The following MYCL variants were observed in gnomAD, a reference collection of about 807,000 sequenced individuals.
MYCL encodes the protein MYCL proto-oncogene, bHLH transcription factor.
In MYCL, 11 loss-of-function variants were observed where a neutral mutation model predicts 31.0. The observed-to-expected ratio is 0.35, with a 90% confidence interval of 0.22 to 0.59. The LOEUF is 0.59. Among genes scored for constraint, MYCL ranks in the 20% least tolerant of loss-of-function variants. The probability of loss-of-function intolerance (pLI) is 0.79; values close to 1 mark genes in which losing one functional copy is unlikely to be tolerated. For synonymous variants in MYCL, 208 were observed against 202.4 expected (o/e 1.03, Z -0.23); for missense variants, 427 against 486.1 (o/e 0.88, Z 1.14).
rs142001192 is a variant in MYCL, at chr1:39,897,909, C to T, written c.558G>A (p.Pro186=). 16 of 1,614,072 alleles carry T rather than the reference C, an allele frequency of 9.9e-6. No individual in the cohort carries two copies. The East Asian group carries it at 1.8e-4, about 18-fold the overall frequency. ...EKRQSLGIRK[P]VTITVRADPL... Reference sequence around the variant, plus strand: ...GGTCTGCTCGCACCGTGATGGTGACCGGCTTCCGAATACCCAGAGACTGCC... The same window carrying T: ...GGTCTGCTCGCACCGTGATGGTGACTGGCTTCCGAATACCCAGAGACTGCC... Residue 186 remains proline, a synonymous_variant, in exon 2 of 2, where the codon CCG becomes CCA. Transcript: ENST00000372816. This position sits in a 1 kb window ranked among gnomAD's most constrained non-coding sequence, Gnocchi z 4.3.
At chr1:39,898,111 G>A in intron 1 of MYCL, 141 bp from the exon 2 acceptor site, 1 of 1,250,142 alleles carries the variant, frequency 8.0e-7, no homozygotes, top group Non-Finnish European at 1.1e-6. Context: ...ATCGAGGTGA[G>A]CAGAAAGCTG....
Position 39,897,228 on chromosome 1 carries a change from T to A in MYCL, c.*144A>T. 1.3e-6 allele frequency: 1 copy of A among 741,702 alleles called. No individual in the cohort carries two copies. The highest frequency in any genetic ancestry group is 2.3e-6 in the Non-Finnish European group (1 of 442,574). The allele number at this position is 741,702 out of a possible 1,614,324, so 45.9% of individuals were successfully genotyped here. On this transcript the variant is annotated 3_prime_UTR_variant, in exon 2 of 2. Transcript: ENST00000372816. The surrounding 1 kb of genome is among the most constrained non-coding windows in gnomAD (Gnocchi z 4.3). ...TCCAAGAATGCAAGCCTTTATTGTG[T>A]GTGCACCGGCTGCAATGCATTCTGG...
intron 1 of MYCL, among the ~76,000 whole-genome samples, chr1:39,898,266 G>A (rs1644502398): frequency 6.6e-6 from 1 of 152,194 alleles, no homozygotes; most frequent in South Asian, 2.1e-4. Context: ...AGTCTGCAAA[G>A]GCTCTCCCCT....
At position 39,895,551 on chromosome 1, in the gene MYCL, G is replaced by A. The variant is rs1335109617; in HGVS notation, c.*1821C>T. ...GCCTTTCAAAATAAATCAGACCCTT[G>A]CAACAGGAAATTGCCCCAAGAGTTT... On this transcript the variant is annotated 3_prime_UTR_variant, in exon 2 of 2. Transcript: ENST00000372816. The A allele has an allele frequency of 2.2e-5, 5 of 226,198 alleles. No homozygotes were observed. The highest frequency in any genetic ancestry group is 3.6e-4 in the South Asian group (2 of 5,480). 14.0% of individuals were successfully genotyped at this position (226,198 alleles called of 1,614,324 possible).
rs1406905974 is a variant in MYCL at position 39,901,072 on chromosome 1, G to A, written c.363C>T (p.Asn121=). The part of the protein sequence containing the change: ...DRLAPGAPRG[N]PPKASAAPDC... ...CCGGGGCGGCGGACGCCTTGGGCGG[G>A]TTCCCCCGGGGCGCGCCAGGAGCGA... Residue 121 remains asparagine, a synonymous_variant, in exon 1 of 2, where the codon AAC becomes AAT. Transcript: ENST00000372816. This position sits in a 1 kb window ranked among gnomAD's most constrained non-coding sequence, Gnocchi z 6.9. 2.8e-5 allele frequency: 44 copies of A among 1,563,554 alleles called. No individual in the cohort carries two copies. Among genetic ancestry groups the A allele is most frequent in the Non-Finnish European group, 3.7e-5 (43 of 1,154,468 alleles).
intron 1 of MYCL, among the ~76,000 whole-genome samples, chr1:39,899,351 C>T (rs1014443425): frequency 2.0e-5 from 3 of 152,186 alleles, no homozygotes; most frequent in Non-Finnish European, 1.5e-5. Flanking sequence ...CAGTGTTAAG[C>T]CTCGTGGCTC....
Position 39,895,994 on chromosome 1 carries a change from C to T in MYCL, c.*1378G>A, listed in dbSNP as rs2124713909. 1 of 220,196 alleles carries T rather than the reference C, an allele frequency of 4.5e-6. No individual in the cohort carries two copies. Among genetic ancestry groups the T allele is most frequent in the Non-Finnish European group, 9.1e-6 (1 of 109,808 alleles). The allele number at this position is 220,196 out of a possible 1,614,324, so 13.6% of individuals were successfully genotyped here. On this transcript the variant is annotated 3_prime_UTR_variant, in exon 2 of 2. Transcript: ENST00000372816. ...GCAGAGTTCTGGAGGGGCTGCTGGTCCTTCTTCCAGGACAGGCTTAGAGGT... is the reference window on the plus strand; with the variant it reads ...GCAGAGTTCTGGAGGGGCTGCTGGTTCTTCTTCCAGGACAGGCTTAGAGGT...
intron 1 of MYCL, 62 bp downstream of exon 1, chr1:39,900,877 G>C (rs1199298457): frequency 3.3e-6 from 5 of 1,510,240 alleles, no homozygotes; most frequent in Non-Finnish European, 2.6e-6. Flanking sequence ...ACCTCAGGCA[G>C]GGGCAGAGCT....
chr1:39,899,662 G>A, intron 1 of MYCL: 1 of 985,278 alleles, frequency 1.0e-6, no homozygotes, highest in Non-Finnish European at 1.2e-6. Context: ...TCTCTTTCCA[G>A]CCATTAAACA....
rs929262123 is a variant in MYCL at position 39,896,093 on chromosome 1, T to C, written c.*1279A>G. On this transcript the variant is annotated 3_prime_UTR_variant, in exon 2 of 2. Coordinates refer to ENST00000372816, the MANE Select transcript of MYCL (RefSeq NM_001033081.3). ...ACTAGAAGCTGCACGTGGATTCCACTTGGAGCTGCCGAGTCCAGCTGGGGT... is the reference window on the plus strand; with the variant it reads ...ACTAGAAGCTGCACGTGGATTCCACCTGGAGCTGCCGAGTCCAGCTGGGGT... 107 of 208,246 alleles carry C rather than the reference T, an allele frequency of 5.1e-4. 3 individuals are homozygous for C. Among genetic ancestry groups the C allele is most frequent in the Non-Finnish European group, 1.1e-4 (11 of 102,264 alleles). 12.9% of individuals were successfully genotyped at this position (208,246 alleles called of 1,614,324 possible).
chr1:39,896,708 A>C lies in MYCL; in HGVS notation c.*664T>G. ...AGCCCAGAGGGCTCTGAGACAAAGA[A>C]TCTAGAGGCCAAGCTTTTTAAGTGT... On this transcript the variant is annotated 3_prime_UTR_variant, in exon 2 of 2. Transcript: ENST00000372816. 4.7e-6 allele frequency: 1 copy of C among 215,018 alleles called. No homozygotes were observed. The highest frequency in any genetic ancestry group is 1.9e-4 in the South Asian group (1 of 5,344). 13.3% of individuals were successfully genotyped at this position (215,018 alleles called of 1,614,324 possible). A position where few individuals can be genotyped will look rare whatever the true frequency, so the allele number is the denominator to read the frequency against.
At chr1:39,900,070 A>C (rs1185140084) in intron 1 of MYCL, 1 of 985,422 alleles carries the variant, frequency 1.0e-6, no homozygotes, top group African/African-American at 1.7e-5. Flanking sequence ...CCTTGACCCC[A>C]GCATGTAGCC....
chr1:39,901,802 C>T lies in MYCL; in HGVS notation c.-368G>A. ...GCGCCCGTGCCCTGGCCACCCGCAG[C>T]CTCACCTCGCTCCAGCCGCCCGCCA... is the stretch of plus-strand genomic sequence containing the variant. On this transcript the variant is annotated 5_prime_UTR_variant, in exon 1 of 2. Coordinates refer to ENST00000372816, the MANE Select transcript of MYCL (RefSeq NM_001033081.3). This position sits in a 1 kb window ranked among gnomAD's most constrained non-coding sequence, Gnocchi z 6.9. 1.6e-6 allele frequency: 2 copies of T among 1,278,744 alleles called. No homozygotes were observed. The highest frequency in any genetic ancestry group is 2.0e-6 in the Non-Finnish European group (2 of 1,001,806). 79.2% of individuals were successfully genotyped at this position (1,278,744 alleles called of 1,614,324 possible). A position where few individuals can be genotyped will look rare whatever the true frequency, so the allele number is the denominator to read the frequency against.
At position 39,897,685 on chromosome 1, in the gene MYCL, T is replaced by C. The variant is rs1201025223; in HGVS notation, c.782A>G (p.Glu261Gly). Residue 261 changes from glutamate (E) to glycine (G), a missense_variant, in exon 2 of 2, where the codon GAA (glutamate) becomes GGA (glycine). Coordinates refer to ENST00000372816, the MANE Select transcript of MYCL (RefSeq NM_001033081.3). The surrounding 1 kb of genome is among the most constrained non-coding windows in gnomAD (Gnocchi z 4.3). Reference protein sequence around the residue: ...DEEIVSPPPVESEAAQSCHPK... With the variant: ...DEEIVSPPPVGSEAAQSCHPK... ...GTGGCAGGACTGGGCAGCCTCACTT[T>C]CTACAGGTGGGGGACTCACAATCTC... The C allele has an allele frequency of 6.2e-7, 1 of 1,614,214 alleles. No individual in the cohort carries two copies. Among genetic ancestry groups the C allele is most frequent in the Non-Finnish European group, 8.5e-7 (1 of 1,180,050 alleles).
In MYCL at chr1:39,897,931, T is replaced by G; in HGVS notation, c.536A>C (p.Gln179Pro). ...GACCGGCTTCCGAATACCCAGAGAC[T>G]GCCTCTTCTCTACTGTCACAACATC... ...EIDVVTVEKRQSLGIRKPVTI... is the reference protein window; with the variant it reads ...EIDVVTVEKRPSLGIRKPVTI... The change falls in exon 2 of 2, where the codon CAG (glutamine) becomes CCG (proline). Residue 179 changes from glutamine (Q) to proline (P), a missense_variant. Coordinates refer to ENST00000372816, the MANE Select transcript of MYCL (RefSeq NM_001033081.3). This position sits in a 1 kb window ranked among gnomAD's most constrained non-coding sequence, Gnocchi z 4.3. 1.2e-6 allele frequency: 2 copies of G among 1,614,072 alleles called. No homozygotes were observed. Among genetic ancestry groups the G allele is most frequent in the Non-Finnish European group, 1.7e-6 (2 of 1,180,010 alleles).
In MYCL at chr1:39,901,008, C is replaced by A; in HGVS notation, c.427G>T (p.Ala143Ser). The A allele has an allele frequency of 6.7e-7, 1 of 1,488,824 alleles. No individual in the cohort carries two copies. Among genetic ancestry groups the A allele is most frequent in the Non-Finnish European group, 8.9e-7 (1 of 1,120,706 alleles). 92.2% of individuals were successfully genotyped at this position (1,488,824 alleles called of 1,614,324 possible). The change falls in exon 1 of 2, where the codon GCC becomes TCC. Residue 143 changes from alanine to serine, a missense_variant. Transcript: ENST00000372816. The surrounding 1 kb of genome is among the most constrained non-coding windows in gnomAD (Gnocchi z 6.9). ...GGTTCGCCCAGCGGACAGGGGGCGGCGGGCGCCGGGTTGCCGGCTTCGAGG... is the reference window on the plus strand; with the variant it reads ...GGTTCGCCCAGCGGACAGGGGGCGGAGGGCGCCGGGTTGCCGGCTTCGAGG... ...PSLEAGNPAP[A>S]APCPLGEPKT...
At position 39,901,344 on chromosome 1, in the gene MYCL, T is replaced by C; in HGVS notation, c.91A>G (p.Lys31Glu). The C allele has an allele frequency of 6.2e-7, 1 of 1,609,336 alleles. No homozygotes were observed. Among genetic ancestry groups the C allele is most frequent in the Non-Finnish European group, 8.5e-7 (1 of 1,178,310 alleles). The change falls in exon 1 of 2, where the codon AAG (lysine) becomes GAG (glutamate). Residue 31 changes from lysine to glutamate, a missense_variant. By Grantham distance (56) the Lys-to-Glu change is moderately conservative (BLOSUM62 1). Transcript: ENST00000372816. The surrounding 1 kb of genome is among the most constrained non-coding windows in gnomAD (Gnocchi z 6.9). ...GGCGATGGCACCAGCTCGAATTTCT[T>C]CCAGATGTCCTCGCTGGGCGCCGTG... is the stretch of plus-strand genomic sequence containing the variant. ...RSTAPSEDIW[K>E]KFELVPSPPT...
chr1:39,896,791 T>C lies in MYCL; in HGVS notation c.*581A>G, dbSNP rs1318726532. ...GGGGGTCAGCTAACATCATAATATA[T>C]AAAGGTTTCCAACTCCTTGGCTACT... On this transcript the variant is annotated 3_prime_UTR_variant, in exon 2 of 2. Coordinates refer to ENST00000372816, the MANE Select transcript of MYCL (RefSeq NM_001033081.3). 2 of 207,372 alleles carry C rather than the reference T, an allele frequency of 9.6e-6. No homozygotes were observed. The highest frequency in any genetic ancestry group is 2.0e-5 in the Non-Finnish European group (2 of 101,480). 12.8% of individuals were successfully genotyped at this position (207,372 alleles called of 1,614,324 possible). A position where few individuals can be genotyped will look rare whatever the true frequency, so the allele number is the denominator to read the frequency against.
At position 39,901,636 on chromosome 1, in the gene MYCL, C is replaced by A; in HGVS notation, c.-202G>T. 1 of 1,382,618 alleles carries A rather than the reference C, an allele frequency of 7.2e-7. No individual in the cohort carries two copies. Among genetic ancestry groups the A allele is most frequent in the Non-Finnish European group, 9.3e-7 (1 of 1,076,410 alleles). 85.6% of individuals were successfully genotyped at this position (1,382,618 alleles called of 1,614,324 possible). On this transcript the variant is annotated 5_prime_UTR_variant, in exon 1 of 2. Coordinates refer to ENST00000372816, the MANE Select transcript of MYCL (RefSeq NM_001033081.3). The surrounding 1 kb of genome is among the most constrained non-coding windows in gnomAD (Gnocchi z 6.9). ...GTGGTAGGGGAAGCCAATCGCAGCG[C>A]GCGGACCCGACTGTGGGCAGCGAGT...
Sources: allele counts gnomAD v4.1 joint callset (sites outside exome capture counted in the v4.1 genomes callset), GRCh38; gene constraint gnomAD v4.1.1; non-coding constraint Gnocchi (gnomAD v3.1); transcripts MANE v1.5; gene names NCBI Gene and HGNC (gene_info 2026-07-23, HGNC 2026-07-21).